The following DPP10 variants were observed in gnomAD, a reference collection of about 807,000 sequenced individuals.
DPP10 encodes the protein inactive dipeptidyl peptidase 10.
In DPP10, 33 loss-of-function variants were observed where a neutral mutation model predicts 120.9. That is an observed-to-expected ratio of 0.27 (90% CI 0.21 to 0.37). The LOEUF (loss-of-function observed/expected upper bound fraction) is 0.37. Among genes scored for constraint, DPP10 ranks in the 10% least tolerant of loss-of-function variants. The pLI is 1.00. For missense variants in DPP10, 816 were observed against 942.8 expected (o/e 0.87, Z 1.76); for synonymous variants, 337 against 326.1 (o/e 1.03, Z -0.36).
At chr2:115,790,640 C>T (rs1188408727) in intron 17 of DPP10, among the ~76,000 whole-genome samples, 1 of 152,084 alleles carries the variant, frequency 6.6e-6, no homozygotes, top group Non-Finnish European at 1.5e-5. Context: ...TCAGATTCTG[C>T]AGTTTTTATT....
At chr2:115,670,122 A>G (rs921415143) in intron 5 of DPP10, among the ~76,000 whole-genome samples, 2 of 152,082 alleles carry the variant, frequency 1.3e-5, no homozygotes, top group Middle Eastern at 3.2e-3. Flanking sequence ...AACAGAGATC[A>G]GAGAATAAGC....
intron 1 of DPP10, among the ~76,000 whole-genome samples, chr2:114,726,326 A>C (rs1702048539): frequency 6.6e-6 from 1 of 152,094 alleles, no homozygotes. Flanking sequence ...TGATCTCCTC[A>C]AATTGATGTC....
intron 1 of DPP10, among the ~76,000 whole-genome samples, chr2:115,101,942 G>T (rs941676696): frequency 6.6e-6 from 1 of 152,204 alleles, no homozygotes; most frequent in African/African-American, 2.4e-5. Context: ...ACATGGTCCA[G>T]ATTTCTTCTG....
intron 2 of DPP10, among the ~76,000 whole-genome samples, chr2:115,313,095 C>T (rs1392214333): frequency 6.6e-6 from 1 of 152,064 alleles, no homozygotes; most frequent in Non-Finnish European, 1.5e-5. Context: ...TGGTGGCATG[C>T]ACCTGTAGTC....
chr2:114,643,935 A>ATTT (rs56039510), intron 1 of DPP10, among the ~76,000 whole-genome samples: 5 of 130,182 alleles, frequency 3.8e-5, no homozygotes, highest in Non-Finnish European at 6.3e-5. Flanking sequence ...ATATATATAT[A>ATTT]TTTTTTTTTT....
intron 3 of DPP10, among the ~76,000 whole-genome samples, chr2:115,455,609 CA>C (rs1232330395): frequency 6.6e-6 from 1 of 151,938 alleles, no homozygotes; most frequent in Non-Finnish European, 1.5e-5. Context: ...GTACTGGTAC[CA>C]AAACAGATAT....
intron 1 of DPP10, among the ~76,000 whole-genome samples, chr2:114,619,832 A>G (rs1045599865): frequency 2.6e-4 from 40 of 151,900 alleles, no homozygotes; most frequent in African/African-American, 8.9e-4. Context: ...GACAATTTCT[A>G]TAAATATCAT....
chr2:115,313,241 C>A (rs1253894589), intron 2 of DPP10, among the ~76,000 whole-genome samples: 1 of 151,952 alleles, frequency 6.6e-6, no homozygotes, highest in Non-Finnish European at 1.5e-5. Flanking sequence ...AAAAGAGTGG[C>A]AGTCATAAAT....
chr2:115,496,214 G>A (rs1380844509), intron 3 of DPP10, among the ~76,000 whole-genome samples: 1 of 151,852 alleles, frequency 6.6e-6, no homozygotes, highest in Non-Finnish European at 1.5e-5. Context: ...ATTAATAAGG[G>A]CAGATATTAG....
intron 7 of DPP10, among the ~76,000 whole-genome samples, chr2:115,706,401 T>G (rs1218836468): frequency 6.6e-6 from 1 of 151,962 alleles, no homozygotes; most frequent in African/African-American, 2.4e-5. Flanking sequence ...TAACATAATA[T>G]TAAATATTAA....
intron 1 of DPP10, among the ~76,000 whole-genome samples, chr2:115,260,463 G>A (rs2059203474): frequency 6.6e-6 from 1 of 152,126 alleles, no homozygotes; most frequent in Non-Finnish European, 1.5e-5. Context: ...GAAAGGCTTG[G>A]CGCAAGATAA....
chr2:115,837,965 A>G (rs1188955226), intron 24 of DPP10, among the ~76,000 whole-genome samples: 3 of 152,202 alleles, frequency 2.0e-5, no homozygotes, highest in Non-Finnish European at 4.4e-5. Context: ...GAAAACAACA[A>G]TAAGAACACC....
chr2:114,857,968 G>C (rs748141357), intron 1 of DPP10, among the ~76,000 whole-genome samples: 5 of 151,980 alleles, frequency 3.3e-5, no homozygotes, highest in African/African-American at 4.8e-5. Context: ...AAAGCTACTT[G>C]GCATTTTTTT....
At chr2:115,314,729 G>A (rs2061712394) in intron 2 of DPP10, among the ~76,000 whole-genome samples, 1 of 152,124 alleles carries the variant, frequency 6.6e-6, no homozygotes, top group Non-Finnish European at 1.5e-5. Flanking sequence ...TGATGTTGAT[G>A]ATTAGATAAG....
intron 9 of DPP10, among the ~76,000 whole-genome samples, chr2:115,745,247 GC>G (rs984266159): frequency 2.0e-5 from 3 of 149,718 alleles, no homozygotes; most frequent in African/African-American, 7.3e-5. Flanking sequence ...TGCACTGTTT[GC>G]TTAGATTCTC....
intron 4 of DPP10, among the ~76,000 whole-genome samples, chr2:115,511,213 C>A (rs2077206004): frequency 6.6e-6 from 1 of 151,982 alleles, no homozygotes; most frequent in African/African-American, 2.4e-5. Flanking sequence ...ACCATTATGG[C>A]CTAGGCTTCT....
intron 1 of DPP10, among the ~76,000 whole-genome samples, chr2:114,759,420 T>C (rs1680081642): frequency 6.6e-6 from 1 of 152,080 alleles, no homozygotes; most frequent in African/African-American, 2.4e-5. Flanking sequence ...ACTCAGTATA[T>C]TTACTTTCTT....
chr2:115,542,861 C>T (rs980529560), intron 5 of DPP10, among the ~76,000 whole-genome samples: 2 of 151,854 alleles, frequency 1.3e-5, no homozygotes, highest in Non-Finnish European at 2.9e-5. Context: ...ATTATCCCTT[C>T]CCTACGTGTG....
chr2:114,752,651 AG>A, intron 1 of DPP10, among the ~76,000 whole-genome samples: 1 of 152,238 alleles, frequency 6.6e-6, no homozygotes, highest in East Asian at 1.9e-4. Flanking sequence ...ACTGTCCTGC[AG>A]GGCTGTTAAA....
Sources: allele counts gnomAD v4.1 joint callset (sites outside exome capture counted in the v4.1 genomes callset), GRCh38; gene constraint gnomAD v4.1.1; transcripts MANE v1.5; gene names NCBI Gene and HGNC (gene_info 2026-07-23, HGNC 2026-07-21).